TFAP2C: variants seen among roughly 807,000 people sequenced by gnomAD.
TFAP2C encodes transcription factor AP-2 gamma.
A neutral mutation model predicts 42.9 loss-of-function variants in TFAP2C; 9 were observed. The observed-to-expected ratio is 0.21, with a 90% CI of 0.13 to 0.37. The LOEUF (loss-of-function observed/expected upper bound fraction) is 0.37, where lower values mean the gene tolerates loss of function less well. Among genes scored for constraint, TFAP2C ranks in the 10% least tolerant of loss-of-function variants. The pLI is 1.00. For missense variants in TFAP2C, 462 were observed against 591.7 expected, an observed-to-expected ratio of 0.78 and a Z score of 2.27; for synonymous variants, 264 against 256.0, an observed-to-expected ratio of 1.03 and a Z score of -0.30.
chr20:56,632,996 G>C (rs1987520831), intron 3 of TFAP2C, among the ~76,000 whole-genome samples: 1 of 152,222 alleles, frequency 6.6e-6, no homozygotes, highest in African/African-American at 2.4e-5. Context: ...GGCCAAGGTG[G>C]GCAGATCACT....
Position 56,638,348 on chromosome 20 carries a change from A to C in TFAP2C, c.*335A>C. The stretch of plus-strand genomic sequence containing the variant: ...TCTTTTAAATACATTCCCTGGGCCA[A>C]CAGACCCACACACTTAGCCATTGAA... On this transcript the variant is annotated 3_prime_UTR_variant, in exon 7 of 7. Coordinates refer to ENST00000201031, the MANE Select transcript of TFAP2C (RefSeq NM_003222.4). The C allele has an allele frequency of 4.3e-6, 1 of 234,770 alleles. No individual in the cohort carries two copies. The allele number at this position is 234,770 out of a possible 1,614,324, so 14.5% of individuals were successfully genotyped here. A position where few individuals can be genotyped will look rare whatever the true frequency, so the allele number is the denominator to read the frequency against.
At chr20:56,636,407 A>G in intron 5 of TFAP2C, among the ~76,000 whole-genome samples, 1 of 152,038 alleles carries the variant, frequency 6.6e-6, no homozygotes, top group Non-Finnish European at 1.5e-5. Context: ...CATGTCTGTA[A>G]TCCCAGCTAT....
rs546673064 is a variant in TFAP2C at position 56,630,575 on chromosome 20, C to G, written c.49-630C>G. On this transcript the variant is annotated intron_variant, in intron 1 of 6. Coordinates refer to ENST00000201031, the MANE Select transcript of TFAP2C (RefSeq NM_003222.4). This position sits in a 1 kb window ranked among gnomAD's most constrained non-coding sequence, Gnocchi z 5.1. ...ACTTATTACTCCCCTCGGCTGGGCCCGGCCAGCAGGGAGGGCCGCCCTGTG... is the reference window on the plus strand; with the variant it reads ...ACTTATTACTCCCCTCGGCTGGGCCGGGCCAGCAGGGAGGGCCGCCCTGTG... Among the ~76,000 whole-genome samples, 1,512 of 152,276 alleles carry G rather than the reference C, an allele frequency of 9.9e-3. 22 individuals are homozygous for G. Among genetic ancestry groups the G allele is most frequent in the African/African-American group, 0.035 (1,447 of 41,574 alleles).
Position 56,630,496 on chromosome 20 carries a change from C to A in TFAP2C, c.49-709C>A. ...CCCAATTTCCAGGGTTCTTCATGCC[C>A]CCTCTGCGCCCCGACGTGCGAGAAC... On this transcript the variant is annotated intron_variant, in intron 1 of 6. Transcript: ENST00000201031. This position sits in a 1 kb window ranked among gnomAD's most constrained non-coding sequence, Gnocchi z 5.1. 1 of 346,686 alleles carries A rather than the reference C, an allele frequency of 2.9e-6. No individual in the cohort carries two copies. The highest frequency in any genetic ancestry group is 5.8e-6 in the Non-Finnish European group (1 of 173,182). The allele number at this position is 346,686 out of a possible 1,614,324, so 21.5% of individuals were successfully genotyped here.
At position 56,630,857 on chromosome 20, in the gene TFAP2C, T is replaced by A; in HGVS notation, c.49-348T>A. 1.0e-6 allele frequency: 1 copy of A among 984,940 alleles called. No individual in the cohort carries two copies. The highest frequency in any genetic ancestry group is 1.2e-6 in the Non-Finnish European group (1 of 829,748). The allele number at this position is 984,940 out of a possible 1,614,324, so 61.0% of individuals were successfully genotyped here. On this transcript the variant is annotated intron_variant, in intron 1 of 6. Transcript: ENST00000201031. The surrounding 1 kb of genome is among the most constrained non-coding windows in gnomAD (Gnocchi z 5.1). Reference sequence around the variant, plus strand: ...CTCCTTCGCCCCGGGCTCTGGCTCCTTCGCCCCGGGCTCCGGCCACGGACT... The same window carrying A: ...CTCCTTCGCCCCGGGCTCTGGCTCCATCGCCCCGGGCTCCGGCCACGGACT...
chr20:56,636,845 A>C, intron 6 of TFAP2C, 91 bp downstream of exon 6: 1 of 1,426,350 alleles, frequency 7.0e-7, no homozygotes, highest in Non-Finnish European at 9.4e-7. Context: ...ATGGCTCAAC[A>C]AAGAAATATT....
chr20:56,636,398 A>G (rs1427949923), intron 5 of TFAP2C, among the ~76,000 whole-genome samples: 1 of 152,078 alleles, frequency 6.6e-6, no homozygotes, highest in Non-Finnish European at 1.5e-5. Flanking sequence ...ATGGTGGTGC[A>G]TGTCTGTAAT....
At chr20:56,633,213 A>G (rs1987527337) in intron 3 of TFAP2C, 140 bp from the exon 4 acceptor site, 1 of 625,192 alleles carries the variant, frequency 1.6e-6, no homozygotes. Flanking sequence ...TTTTTTAAAT[A>G]AAGTCAGCCT....
chr20:56,636,862 ATAAAT>A (rs1173912699), intron 6 of TFAP2C, 108 bp downstream of exon 6: 2 of 1,363,724 alleles, frequency 1.5e-6, no homozygotes, highest in African/African-American at 2.9e-5. Flanking sequence ...TATTCTTGAA[ATAAAT>A]TAGGGTGGAG....
Position 56,631,240 on chromosome 20 carries a change from G to T in TFAP2C, c.84G>T (p.Arg28=). 6.4e-7 allele frequency: 1 copy of T among 1,565,808 alleles called. No individual in the cohort carries two copies. Among genetic ancestry groups the T allele is most frequent in the Middle Eastern group, 1.7e-4 (1 of 5,840 alleles). The change falls in exon 2 of 7, where the codon CGG becomes CGT. Residue 28 remains arginine (R), a synonymous_variant. Coordinates refer to ENST00000201031, the MANE Select transcript of TFAP2C (RefSeq NM_003222.4). The surrounding 1 kb of genome is among the most constrained non-coding windows in gnomAD (Gnocchi z 6.1). ...RHDGSSNGNP[R]VPHLSSAGQH... is the part of the protein sequence containing the mutation. ...ACGGGAGCAGCAATGGGAATCCGCG[G>T]GTCCCCCACCTCTCCTCCGCCGGGC...
At position 56,639,021 on chromosome 20, in the gene TFAP2C, A is replaced by G. The variant is rs1389091712; in HGVS notation, c.*1008A>G. 6.6e-6 allele frequency: 1 copy of G among 152,592 alleles called. No homozygotes were observed. Among genetic ancestry groups the G allele is most frequent in the African/African-American group, 2.4e-5 (1 of 41,422 alleles). 9.5% of individuals were successfully genotyped at this position (152,592 alleles called of 1,614,324 possible). A position where few individuals can be genotyped will look rare whatever the true frequency, so the allele number is the denominator to read the frequency against. ...TATAACACATCATAAGGTTTTATTC[A>G]TATATATACAGGGTATTAAGAATTA... On this transcript the variant is annotated 3_prime_UTR_variant, in exon 7 of 7. Coordinates refer to ENST00000201031, the MANE Select transcript of TFAP2C (RefSeq NM_003222.4).
chr20:56,631,683 A>C lies in TFAP2C; in HGVS notation c.527A>C (p.Glu176Ala). 1 of 1,590,272 alleles carries C rather than the reference A, an allele frequency of 6.3e-7. No individual in the cohort carries two copies. The highest frequency in any genetic ancestry group is 8.6e-7 in the Non-Finnish European group (1 of 1,169,436). Residue 176 changes from glutamate (E) to alanine (A), a missense_variant, in exon 2 of 7, where the codon GAG becomes GCG. This residue lies in a region of TFAP2C where 271 missense variants were observed against 269.7 expected (regional missense o/e 1.00). Coordinates refer to ENST00000201031, the MANE Select transcript of TFAP2C (RefSeq NM_003222.4). This position sits in a 1 kb window ranked among gnomAD's most constrained non-coding sequence, Gnocchi z 6.1. ...CACGACATGCCTCACCAGATGGACG[A>C]GGTGCAGGTGAGCGGCGCTGCGGCT... ...GLHDMPHQMD[E>A]VQNVDDQHLL...
At position 56,629,548 on chromosome 20, in the gene TFAP2C, T is replaced by A; in HGVS notation, c.4T>A (p.Leu2Met). 1 of 1,430,858 alleles carries A rather than the reference T, an allele frequency of 7.0e-7. No individual in the cohort carries two copies. Among genetic ancestry groups the A allele is most frequent in the Non-Finnish European group, 9.2e-7 (1 of 1,090,118 alleles). The allele number at this position is 1,430,858 out of a possible 1,614,324, so 88.6% of individuals were successfully genotyped here. Residue 2 changes from leucine (L) to methionine (M), a missense_variant, in exon 1 of 7, where the codon TTG (leucine) becomes ATG (methionine). Leu to Met is a conservative substitution (Grantham distance 15). Transcript: ENST00000201031. This position sits in a 1 kb window ranked among gnomAD's most constrained non-coding sequence, Gnocchi z 5.9. ...GTTTTGGGGGACGCCGGACGCCATG[T>A]TGTGGAAAATAACCGATAATGTCAA... The part of the protein sequence containing the change: M[L>M]WKITDNVKYE...
At position 56,631,165 on chromosome 20, in the gene TFAP2C, T is replaced by A; in HGVS notation, c.49-40T>A. 6.8e-7 allele frequency: 1 copy of A among 1,478,774 alleles called. No individual in the cohort carries two copies. Among genetic ancestry groups the A allele is most frequent in the African/African-American group, 1.5e-5 (1 of 67,982 alleles). 91.6% of individuals were successfully genotyped at this position (1,478,774 alleles called of 1,614,324 possible). On this transcript the variant is annotated intron_variant, in intron 1 of 6. Coordinates refer to ENST00000201031, the MANE Select transcript of TFAP2C (RefSeq NM_003222.4). This position sits in a 1 kb window ranked among gnomAD's most constrained non-coding sequence, Gnocchi z 6.1. ...CCGGCCAGTTCGCAGTAGCGGGGTT[T>A]CGCACTAACGGGGTCTCCTGTTTTT...
chr20:56,632,741 ACT>A (rs750351283), intron 3 of TFAP2C, among the ~76,000 whole-genome samples: 27 of 151,972 alleles, frequency 1.8e-4, no homozygotes, highest in Non-Finnish European at 2.9e-4. Context: ...AGGGGAAAAA[ACT>A]CACCGTTTAT....
intron 3 of TFAP2C, among the ~76,000 whole-genome samples, 200 bp downstream of exon 3, chr20:56,632,056 G>C (rs1987503639): frequency 6.6e-6 from 1 of 152,160 alleles, no homozygotes; most frequent in Non-Finnish European, 1.5e-5. Context: ...CTTCATCTCC[G>C]GAGTTGTTAC....
rs1049357808 is a variant in TFAP2C, at chr20:56,638,199, G to A, written c.*186G>A. ...ACTTCTTAGTTGTTTCTCTAGCGCT[G>A]AGCTATCTCCTAACTTTGGACCTAT... On this transcript the variant is annotated 3_prime_UTR_variant, in exon 7 of 7. Transcript: ENST00000201031. 2.6e-5 allele frequency: 15 copies of A among 581,468 alleles called. No homozygotes were observed. The South Asian group carries it at 3.5e-4, about 13-fold the overall frequency. 36.0% of individuals were successfully genotyped at this position (581,468 alleles called of 1,614,324 possible).
In TFAP2C at chr20:56,639,273, A is replaced by G. The variant is rs1433199874; in HGVS notation, c.*1260A>G. The G allele has an allele frequency of 6.6e-6, 1 of 152,248 alleles. No homozygotes were observed. The highest frequency in any genetic ancestry group is 1.9e-4 in the East Asian group (1 of 5,198). 9.4% of individuals were successfully genotyped at this position (152,248 alleles called of 1,614,324 possible). ...CGTGTATAATAAAAGTATTCTTGTT[A>G]GAATCTGAAAGTCTGGCTATAGGTT... On this transcript the variant is annotated 3_prime_UTR_variant, in exon 7 of 7. Coordinates refer to ENST00000201031, the MANE Select transcript of TFAP2C (RefSeq NM_003222.4).
chr20:56,633,005 C>T (rs1205840082), intron 3 of TFAP2C, among the ~76,000 whole-genome samples: 2 of 152,120 alleles, frequency 1.3e-5, no homozygotes. Context: ...GGGCAGATCA[C>T]TTGAGGTCAG....
Sources: allele counts gnomAD v4.1 joint callset (sites outside exome capture counted in the v4.1 genomes callset), GRCh38; gene constraint gnomAD v4.1.1; regional missense constraint gnomAD v4.1.1; non-coding constraint Gnocchi (gnomAD v3.1); transcripts MANE v1.5; gene names NCBI Gene and HGNC (gene_info 2026-07-23, HGNC 2026-07-21).